AKAP6: variants seen among roughly 807,000 people sequenced by gnomAD.
The protein encoded by AKAP6 is A-kinase anchor protein 6.
A neutral mutation model predicts 188.5 loss-of-function variants in AKAP6; 58 were observed. The ratio of observed to expected loss-of-function variants is 0.31; its 90% CI spans 0.25 to 0.38. The LOEUF (loss-of-function observed/expected upper bound fraction) is 0.38, where lower values mean the gene tolerates loss of function less well. AKAP6 is among the 10% of genes least tolerant of loss of function. AKAP6 has a pLI of 1.00. For synonymous variants in AKAP6, 989 were observed against 998.6 expected, an observed-to-expected ratio of 0.99 and a Z score of 0.18; for missense variants, 2,710 against 2,740.0, an observed-to-expected ratio of 0.99 and a Z score of 0.24.
intron 7 of AKAP6, among the ~76,000 whole-genome samples, chr14:32,635,566 G>C (rs897617128): frequency 6.6e-6 from 1 of 152,090 alleles, no homozygotes; most frequent in Non-Finnish European, 1.5e-5. Context: ...CTAGAGCTGG[G>C]AGCTACTGTT....
chr14:32,468,570 T>C (rs961973607), intron 2 of AKAP6, among the ~76,000 whole-genome samples: 6 of 152,140 alleles, frequency 3.9e-5, no homozygotes, highest in African/African-American at 9.7e-5. Flanking sequence ...CTTTCTTGCA[T>C]AGATCAAGTG....
chr14:32,544,410 G>GA lies in AKAP6; in HGVS notation c.577-818dup, dbSNP rs201684287. On this transcript the variant is annotated intron_variant, in intron 3 of 13. Coordinates refer to ENST00000280979, the MANE Select transcript of AKAP6 (RefSeq NM_004274.5). ...TAATGGGACAAAAGCCTTAATTACA[G>GA]AATTAAAGATTTAACAAATTAAAAA... 8.6e-3 allele frequency among the ~76,000 whole-genome samples: 1,307 copies of GA among 152,240 alleles called. 17 individuals carry two copies. Among genetic ancestry groups the GA allele is most frequent in the African/African-American group, 0.03 (1,230 of 41,538 alleles).
chr14:32,575,759 A>G (rs1884688042), intron 4 of AKAP6, among the ~76,000 whole-genome samples: 1 of 152,130 alleles, frequency 6.6e-6, no homozygotes, highest in Non-Finnish European at 1.5e-5. Flanking sequence ...TTTTGGAAAC[A>G]TGTATGAATA....
rs112480630 is a variant in AKAP6 at position 32,717,473 on chromosome 14, C to G, written c.3001-14981C>G. ...TCCCTGTAGACTAGGAATTGTTTTT[C>G]CTATCTGGTGAAACCTTTGTAACTT... On this transcript the variant is annotated intron_variant, in intron 9 of 13. Coordinates refer to ENST00000280979, the MANE Select transcript of AKAP6 (RefSeq NM_004274.5). Among the ~76,000 whole-genome samples, 673 of 151,960 alleles carry G rather than the reference C, an allele frequency of 4.4e-3. 6 individuals carry two copies. Among genetic ancestry groups the G allele is most frequent in the African/African-American group, 0.015 (624 of 41,466 alleles).
At chr14:32,510,479 T>TATATATACGTATATATATATATAC (rs1881197154) in intron 2 of AKAP6, among the ~76,000 whole-genome samples, 1 of 97,916 alleles carries the variant, frequency 1.0e-5, no homozygotes, top group African/African-American at 4.2e-5. Context: ...TATATATACA[T>TATATATACGTATATATATATATAC]ATATATATGT....
At chr14:32,334,247 G>A (rs567584362) in intron 1 of AKAP6, among the ~76,000 whole-genome samples, 1 of 152,254 alleles carries the variant, frequency 6.6e-6, no homozygotes, top group African/African-American at 2.4e-5. Flanking sequence ...ATGGAAGATT[G>A]CAGAAATAAA....
chr14:32,483,749 T>A (rs746670339), intron 2 of AKAP6, among the ~76,000 whole-genome samples: 4 of 152,050 alleles, frequency 2.6e-5, no homozygotes, highest in Non-Finnish European at 5.9e-5. Context: ...CTCCCAAAGT[T>A]CTGGGATTAC....
rs1478530823 is a variant in AKAP6 at position 32,540,190 on chromosome 14, A to ATTTT, written c.576+4386_576+4387insTTTT. 1.6e-3 allele frequency among the ~76,000 whole-genome samples: 201 copies of ATTTT among 128,262 alleles called. 3 individuals carry two copies. The highest frequency in any genetic ancestry group is 3.7e-3 in the African/African-American group (127 of 34,632). 84.1% of individuals were successfully genotyped at this position (128,262 alleles called of 152,430 possible). ...TCTCTATATATATATATATATATAT[A>ATTTT]TATTTTAATTTTTTATTTTTTTTTT... On this transcript the variant is annotated intron_variant, in intron 3 of 13. Coordinates refer to ENST00000280979, the MANE Select transcript of AKAP6 (RefSeq NM_004274.5).
chr14:32,613,637 G>A (rs1338351455), intron 7 of AKAP6, among the ~76,000 whole-genome samples: 1 of 152,138 alleles, frequency 6.6e-6, no homozygotes, highest in African/African-American at 2.4e-5. Context: ...CAGTGATAAT[G>A]ACTGTTGTAG....
intron 11 of AKAP6, among the ~76,000 whole-genome samples, chr14:32,771,210 C>T (rs1217194561): frequency 6.6e-6 from 1 of 151,768 alleles, no homozygotes; most frequent in Non-Finnish European, 1.5e-5. Flanking sequence ...TAAAAAAGTA[C>T]TGAAAAATAT....
chr14:32,425,613 G>A (rs970381256), intron 1 of AKAP6, among the ~76,000 whole-genome samples: 1 of 151,490 alleles, frequency 6.6e-6, no homozygotes, highest in Non-Finnish European at 1.5e-5. Flanking sequence ...AGGGAAGGAG[G>A]GAAGGAAGGA....
At chr14:32,331,753 C>T (rs563888289) in intron 1 of AKAP6, among the ~76,000 whole-genome samples, 11 of 152,060 alleles carry the variant, frequency 7.2e-5, no homozygotes, top group Admixed American at 7.2e-4. Flanking sequence ...ATTGGTGCCT[C>T]ACTGAAACTT....
At chr14:32,468,961 A>G (rs1434793798) in intron 2 of AKAP6, among the ~76,000 whole-genome samples, 1 of 152,184 alleles carries the variant, frequency 6.6e-6, no homozygotes, top group Non-Finnish European at 1.5e-5. Flanking sequence ...ATCTCTGCCT[A>G]GTGGAATGTG....
rs2034864980 is a variant in AKAP6 at position 32,835,343 on chromosome 14, C to T, written c.*5538C>T. The T allele has an allele frequency of 6.6e-6, 1 of 151,968 alleles. No homozygotes were observed. The highest frequency in any genetic ancestry group is 6.6e-5 in the Admixed American group (1 of 15,236). 9.4% of individuals were successfully genotyped at this position (151,968 alleles called of 1,614,324 possible). ...ATATTACCTTAAAAAATAAAGTGCA[C>T]TTAAAGATTGTTTCACATCCACAGT... On this transcript the variant is annotated 3_prime_UTR_variant, in exon 14 of 14. Transcript: ENST00000280979.
chr14:32,795,621 G>A (rs1286327494), intron 12 of AKAP6, among the ~76,000 whole-genome samples: 1 of 152,086 alleles, frequency 6.6e-6, no homozygotes, highest in African/African-American at 2.4e-5. Context: ...CAATAAACTA[G>A]GTATTAAAGG....
chr14:32,813,782 T>A (rs956945270), intron 12 of AKAP6, among the ~76,000 whole-genome samples: 7 of 152,258 alleles, frequency 4.6e-5, no homozygotes, highest in Admixed American at 4.6e-4. Context: ...TCGGAATTCC[T>A]TCCTACAACT....
intron 1 of AKAP6, among the ~76,000 whole-genome samples, chr14:32,340,895 A>T (rs1378831356): frequency 6.6e-6 from 1 of 152,200 alleles, no homozygotes; most frequent in African/African-American, 2.4e-5. Context: ...AACCCCATTC[A>T]TGAGGGTTCC....
At chr14:32,487,229 T>C (rs990350665) in intron 2 of AKAP6, among the ~76,000 whole-genome samples, 32 of 152,234 alleles carry the variant, frequency 2.1e-4, no homozygotes, top group Non-Finnish European at 1.5e-5. Context: ...CAGTATTTTA[T>C]TGAAGATTTT....
intron 2 of AKAP6, among the ~76,000 whole-genome samples, chr14:32,477,377 T>G (rs1248426014): frequency 6.6e-6 from 1 of 152,148 alleles, no homozygotes; most frequent in African/African-American, 2.4e-5. Flanking sequence ...CTTCCTTTAT[T>G]TCCATGCCTG....
Sources: allele counts gnomAD v4.1 joint callset (sites outside exome capture counted in the v4.1 genomes callset), GRCh38; gene constraint gnomAD v4.1.1; transcripts MANE v1.5; gene names NCBI Gene and HGNC (gene_info 2026-07-23, HGNC 2026-07-21).